CRB1: variants seen among roughly 807,000 people sequenced by gnomAD.
CRB1 encodes protein crumbs homolog 1.
A neutral mutation model predicts 120.0 loss-of-function variants in CRB1; 83 were observed. The ratio of observed to expected loss-of-function variants is 0.69; its 90% CI spans 0.58 to 0.83. The LOEUF is 0.83. Among genes scored for constraint, CRB1 ranks in the 40% least tolerant of loss-of-function variants. The probability of loss-of-function intolerance (pLI) is 0.00; values close to 1 mark genes in which losing one functional copy is unlikely to be tolerated. For synonymous variants in CRB1, 625 were observed against 612.5 expected, an observed-to-expected ratio of 1.02 and a Z score of -0.30; for missense variants, 1,699 against 1,687.6, an observed-to-expected ratio of 1.01 and a Z score of -0.12.
At chr1:197,264,098 G>A (rs1654578592), upstream of CRB1, among the ~76,000 whole-genome samples, 1 of 152,142 alleles carries the variant, frequency 6.6e-6, no homozygotes, top group Non-Finnish European at 1.5e-5. Flanking sequence ...TACCCATTAA[G>A]TAACTTGTCA....
chr1:197,267,409 G>T (rs991489705), upstream of CRB1, among the ~76,000 whole-genome samples: 1 of 151,992 alleles, frequency 6.6e-6, no homozygotes, highest in African/African-American at 2.4e-5. Context: ...TTAGAGACAT[G>T]GGCAGAAAAT....
At chr1:197,206,139 TCTC>T in the CRB1 span, among the ~76,000 whole-genome samples, 1 of 152,106 alleles carries the variant, frequency 6.6e-6, no homozygotes, top group Non-Finnish European at 1.5e-5. Context: ...AATTTGATCT[TCTC>T]CTTTTTCTTG....
chr1:197,312,811 A>T (rs1764792), intron 1 of CRB1, among the ~76,000 whole-genome samples: 1 of 151,302 alleles, frequency 6.6e-6, no homozygotes, highest in African/African-American at 2.4e-5. Context: ...ATCCAGTTAA[A>T]TTTTTTTACA....
chr1:197,434,203 T>A (rs1415678457), intron 8 of CRB1, among the ~76,000 whole-genome samples: 1 of 152,162 alleles, frequency 6.6e-6, no homozygotes, highest in African/African-American at 2.4e-5. Context: ...TACTTTTAAC[T>A]GCCTACTCAT....
intron 1 of CRB1, among the ~76,000 whole-genome samples, chr1:197,320,251 C>G (rs1026673430): frequency 1.3e-5 from 2 of 152,202 alleles, no homozygotes; most frequent in Non-Finnish European, 2.9e-5. Context: ...TCTTGCTTTA[C>G]TAATACTTCA....
chr1:197,355,805 C>T (rs934275979), intron 4 of CRB1, among the ~76,000 whole-genome samples: 1 of 152,142 alleles, frequency 6.6e-6, no homozygotes, highest in Non-Finnish European at 1.5e-5. Flanking sequence ...CTGAGGGAGC[C>T]GACTCCATTC....
chr1:197,343,711 T>C (rs553583745), intron 2 of CRB1, among the ~76,000 whole-genome samples: 50 of 152,246 alleles, frequency 3.3e-4, no homozygotes, highest in Non-Finnish European at 4.7e-4. Context: ...ACTTAGTATG[T>C]ATCAGGTACT....
chr1:197,404,869 C>T (rs375549129), intron 5 of CRB1, among the ~76,000 whole-genome samples: 16 of 152,326 alleles, frequency 1.1e-4, no homozygotes, highest in African/African-American at 3.8e-4. Context: ...CTACCACTGT[C>T]TAATTCTGTG....
chr1:197,411,257 C>T (rs965532240), intron 5 of CRB1, among the ~76,000 whole-genome samples: 1 of 152,108 alleles, frequency 6.6e-6, no homozygotes, highest in Admixed American at 6.5e-5. Context: ...TTCCTTTGCC[C>T]CAGATACTAT....
intron 1 of CRB1, among the ~76,000 whole-genome samples, chr1:197,318,958 A>C (rs760199882): frequency 1.3e-5 from 2 of 152,128 alleles, no homozygotes; most frequent in Non-Finnish European, 2.9e-5. Context: ...ACAATGTATT[A>C]TATGTTCCAA....
intron 1 of CRB1, among the ~76,000 whole-genome samples, chr1:197,312,583 A>AAAAC (rs759978278): frequency 2.5e-4 from 38 of 152,300 alleles, no homozygotes; most frequent in Non-Finnish European, 3.8e-4. Flanking sequence ...ACTCCGTCTC[A>AAAAC]AAACAAACAA....
chr1:197,363,662 C>A (rs1282057822), intron 5 of CRB1, among the ~76,000 whole-genome samples: 5 of 152,112 alleles, frequency 3.3e-5, no homozygotes, highest in Non-Finnish European at 5.9e-5. Flanking sequence ...TTTCCAAAGA[C>A]CAACAAAGAG....
the CRB1 span, among the ~76,000 whole-genome samples, chr1:197,256,424 A>C: frequency 6.6e-6 from 1 of 152,042 alleles, no homozygotes; most frequent in Non-Finnish European, 1.5e-5. Flanking sequence ...AATGTGCCTC[A>C]TTATGTCAAT....
chr1:197,421,577 C>A lies in CRB1; in HGVS notation c.1749C>A (p.Ile583=), dbSNP rs1178650450. ...IFAEAVTLTL[I]DDSCKEKCIA... is the part of the protein sequence containing the mutation. ...CAGAGGCTGTGACCCTTACCTTAATCGACGACTCCTGTAAGGAGAAATGCA... is the reference window on the plus strand; with the variant it reads ...CAGAGGCTGTGACCCTTACCTTAATAGACGACTCCTGTAAGGAGAAATGCA... Residue 583 remains isoleucine, a synonymous_variant, in exon 6 of 12, where the codon ATC becomes ATA. Coordinates refer to ENST00000367400, the MANE Select transcript of CRB1 (RefSeq NM_201253.3). The A allele has an allele frequency of 3.1e-6, 5 of 1,614,204 alleles. No individual in the cohort carries two copies. Among genetic ancestry groups the A allele is most frequent in the Non-Finnish European group, 8.5e-7 (1 of 1,180,034 alleles).
At chr1:197,433,065 T>G (rs1664952138) in intron 8 of CRB1, among the ~76,000 whole-genome samples, 1 of 151,868 alleles carries the variant, frequency 6.6e-6, no homozygotes, top group African/African-American at 2.4e-5. Flanking sequence ...CATGAATTTT[T>G]TTTTTTTTTG....
chr1:197,378,690 T>C (rs933340607), intron 5 of CRB1, among the ~76,000 whole-genome samples: 1 of 151,102 alleles, frequency 6.6e-6, no homozygotes, highest in Non-Finnish European at 1.5e-5. Flanking sequence ...GCTGAAGCTG[T>C]ATATGTTTAT....
the CRB1 span, among the ~76,000 whole-genome samples, chr1:197,203,713 T>G: frequency 6.6e-6 from 1 of 152,170 alleles, no homozygotes; most frequent in Admixed American, 6.5e-5. Flanking sequence ...AAGACTAAAA[T>G]TAATCATTAT....
At chr1:197,256,456 C>G in the CRB1 span, among the ~76,000 whole-genome samples, 24 of 151,972 alleles carry the variant, frequency 1.6e-4, no homozygotes, top group Non-Finnish European at 2.8e-4. Context: ...ACTCAGAGTT[C>G]TCTCATGAGT....
At chr1:197,241,018 A>G in the CRB1 span, among the ~76,000 whole-genome samples, 2 of 152,178 alleles carry the variant, frequency 1.3e-5, no homozygotes, top group African/African-American at 2.4e-5. Flanking sequence ...GTGCCTGTTC[A>G]TATCCTTCAC....
Sources: gnomAD v4.1 joint callset for allele counts (sites outside exome capture counted in the v4.1 genomes callset) on GRCh38, gnomAD v4.1.1 for gene constraint, MANE v1.5 for transcripts, NCBI Gene and HGNC (gene_info 2026-07-23, HGNC 2026-07-21) for gene names.